The following SHLD1 variants were observed in gnomAD, a reference collection of about 807,000 sequenced individuals.
SHLD1 encodes the protein RINN1-REV7-interacting novel NHEJ regulator 3.
Under a neutral mutation model 5.5 loss-of-function variants are expected in SHLD1, and 3 were observed. That is an observed-to-expected ratio of 0.54 (90% CI 0.25 to 1.40). SHLD1 has a LOEUF of 1.40. Ranked by LOEUF, SHLD1 falls within the 40% of genes most tolerant of loss-of-function variation. The pLI is 0.15. For synonymous variants in SHLD1, 92 were observed against 94.3 expected, an observed-to-expected ratio of 0.98 and a Z score of 0.14; for missense variants, 210 against 244.4, an observed-to-expected ratio of 0.86 and a Z score of 0.94.
At chr20:5,854,550 T>G (rs1362558284) in intron 2 of SHLD1, among the ~76,000 whole-genome samples, 2 of 152,118 alleles carry the variant, frequency 1.3e-5, no homozygotes, top group African/African-American at 4.8e-5. Flanking sequence ...AGAAAGGCAA[T>G]CAAGCTATGA....
intron 2 of SHLD1, among the ~76,000 whole-genome samples, chr20:5,833,711 CAGAG>C (rs755831375): frequency 6.7e-6 from 1 of 149,348 alleles, no homozygotes. Flanking sequence ...GGGAGAAACA[CAGAG>C]AGAGAGAAAA....
At chr20:5,853,475 C>CGT (rs931878291) in intron 2 of SHLD1, among the ~76,000 whole-genome samples, 13 of 151,566 alleles carry the variant, frequency 8.6e-5, no homozygotes, top group Non-Finnish European at 4.4e-5. Context: ...ATAAACAAAT[C>CGT]GTGTGTGTGT....
At chr20:5,766,584 C>G (rs1400296665) in intron 1 of SHLD1, among the ~76,000 whole-genome samples, 1 of 152,100 alleles carries the variant, frequency 6.6e-6, no homozygotes, top group Non-Finnish European at 1.5e-5. Flanking sequence ...AGTGACTTTA[C>G]TACTCTCTGT....
chr20:5,757,964 A>G (rs1984216839), intron 1 of SHLD1, among the ~76,000 whole-genome samples: 2 of 152,166 alleles, frequency 1.3e-5, no homozygotes, highest in African/African-American at 2.4e-5. Flanking sequence ...TCCATGTTAG[A>G]GTATGATCCT....
intron 2 of SHLD1, among the ~76,000 whole-genome samples, chr20:5,807,879 CATT>C (rs1272813754): frequency 6.6e-6 from 1 of 152,146 alleles, no homozygotes; most frequent in Admixed American, 6.6e-5. Flanking sequence ...GTATATGTAT[CATT>C]GTTGTGACAC....
At chr20:5,850,851 T>C (rs545859023) in intron 2 of SHLD1, among the ~76,000 whole-genome samples, 1 of 152,174 alleles carries the variant, frequency 6.6e-6, no homozygotes, top group Non-Finnish European at 1.5e-5. Context: ...TACTCTGCAT[T>C]GCCTCCTGGA....
chr20:5,762,179 G>A (rs1315158070), intron 1 of SHLD1, among the ~76,000 whole-genome samples: 3 of 151,714 alleles, frequency 2.0e-5, no homozygotes, highest in Non-Finnish European at 4.4e-5. Flanking sequence ...TTGAACCTGG[G>A]AGGCAGAGGT....
chr20:5,783,432 C>G (rs1453644890), intron 2 of SHLD1, among the ~76,000 whole-genome samples: 1 of 152,126 alleles, frequency 6.6e-6, no homozygotes, highest in Non-Finnish European at 1.5e-5. Flanking sequence ...CCATGTTGGC[C>G]AGGCTGGTCT....
chr20:5,765,242 T>G (rs1323087663), intron 1 of SHLD1: 1 of 150,956 alleles, frequency 6.6e-6, no homozygotes, highest in Non-Finnish European at 1.5e-5. Context: ...TTTTTTCATA[T>G]TTGTTTATTT....
intron 2 of SHLD1, among the ~76,000 whole-genome samples, chr20:5,844,621 T>G (rs1194122551): frequency 6.6e-6 from 1 of 152,020 alleles, no homozygotes. Context: ...AGATGGGTAA[T>G]GTTCACTATG....
chr20:5,859,530 A>G (rs976158741), intron 2 of SHLD1, among the ~76,000 whole-genome samples: 5 of 152,214 alleles, frequency 3.3e-5, no homozygotes, highest in Admixed American at 2.0e-4. Flanking sequence ...AGGATGCATC[A>G]CTGAGCACGA....
At chr20:5,799,794 C>T (rs1169097064) in intron 2 of SHLD1, among the ~76,000 whole-genome samples, 1 of 152,114 alleles carries the variant, frequency 6.6e-6, no homozygotes, top group Non-Finnish European at 1.5e-5. Context: ...ACTCAAGATT[C>T]ATACCCTAGA....
intron 2 of SHLD1, among the ~76,000 whole-genome samples, chr20:5,785,669 G>A (rs1333452360): frequency 2.0e-5 from 3 of 151,768 alleles, no homozygotes; most frequent in South Asian, 2.1e-4. Context: ...GGTGGTACAC[G>A]CCTGTAGTCT....
intron 2 of SHLD1, among the ~76,000 whole-genome samples, chr20:5,774,797 C>T (rs963426309): frequency 1.3e-5 from 2 of 152,220 alleles, no homozygotes; most frequent in African/African-American, 2.4e-5. Context: ...GACAATTCCA[C>T]ATGACATTTC....
intron 2 of SHLD1, among the ~76,000 whole-genome samples, chr20:5,862,327 C>A (rs1427715518): frequency 6.6e-6 from 1 of 152,172 alleles, no homozygotes; most frequent in Non-Finnish European, 1.5e-5. Flanking sequence ...CTGCTTGAAC[C>A]CTGAAGGCTG....
chr20:5,809,207 T>G (rs1395497826), intron 2 of SHLD1, among the ~76,000 whole-genome samples: 1 of 152,124 alleles, frequency 6.6e-6, no homozygotes, highest in Non-Finnish European at 1.5e-5. Flanking sequence ...GACTAAATAG[T>G]GGAAAGGATC....
At chr20:5,849,865 A>G (rs1264465318) in intron 2 of SHLD1, among the ~76,000 whole-genome samples, 2 of 148,938 alleles carry the variant, frequency 1.3e-5, no homozygotes, top group Admixed American at 6.7e-5. Flanking sequence ...AGGCTGAGGC[A>G]GGAGAATGGC....
chr20:5,824,444 A>G (rs1413135021), intron 2 of SHLD1, among the ~76,000 whole-genome samples: 2 of 151,916 alleles, frequency 1.3e-5, no homozygotes, highest in African/African-American at 2.4e-5. Context: ...TTTCTGTTTC[A>G]CCACTGGAAT....
chr20:5,775,148 C>T (rs1985365818), intron 2 of SHLD1, among the ~76,000 whole-genome samples: 2 of 152,166 alleles, frequency 1.3e-5, no homozygotes, highest in East Asian at 1.9e-4. Context: ...AAGCTATCCT[C>T]CTGCCTCAGC....
Sources: gnomAD v4.1 joint callset for allele counts (sites outside exome capture counted in the v4.1 genomes callset) on GRCh38, gnomAD v4.1.1 for gene constraint, MANE v1.5 for transcripts, NCBI Gene and HGNC (gene_info 2026-07-23, HGNC 2026-07-21) for gene names.